The following SSH2 variants were observed in gnomAD, a reference collection of about 807,000 sequenced individuals.
The protein encoded by SSH2 is protein phosphatase Slingshot homolog 2.
A neutral mutation model predicts 135.2 loss-of-function variants in SSH2; 37 were observed. That is an observed-to-expected ratio of 0.27 (90% CI 0.21 to 0.36). SSH2 has a LOEUF of 0.36. Ranked by LOEUF, SSH2 falls within the 10% of genes least tolerant of loss-of-function variation. SSH2 has a pLI of 1.00. For missense variants in SSH2, 1,408 were observed against 1,765.3 expected, an observed-to-expected ratio of 0.80 and a Z score of 3.63; for synonymous variants, 628 against 646.2, an observed-to-expected ratio of 0.97 and a Z score of 0.43.
In SSH2 at chr17:29,654,261, G is replaced by A. The variant is rs2036694455; in HGVS notation, c.1079+1300C>T. Among the ~76,000 whole-genome samples, 3 of 152,344 alleles carry A rather than the reference G, an allele frequency of 2.0e-5. No homozygotes were observed. The South Asian group carries it at 6.2e-4, about 32-fold the overall frequency. On this transcript the variant is annotated intron_variant, in intron 12 of 15. Transcript: ENST00000540801. ...AAGCTATAAGCAAGACTAAGATACA[G>A]TCTCTGCCTTGAAGAACTCTAGACT...
chr17:29,927,391 T>G (rs2067086113), intron 1 of SSH2, among the ~76,000 whole-genome samples: 1 of 152,174 alleles, frequency 6.6e-6, no homozygotes, highest in South Asian at 2.1e-4. Context: ...CAATGGTCAC[T>G]CACACCTAGC....
At chr17:29,785,805 C>CCTTT (rs1555633518) in intron 3 of SSH2, among the ~76,000 whole-genome samples, 3 of 125,124 alleles carry the variant, frequency 2.4e-5, no homozygotes, top group African/African-American at 6.1e-5. Context: ...AGTCCGTTTA[C>CCTTT]TTTTTTTTTT....
rs60502729 is a variant in SSH2, at chr17:29,696,672, CGTGT to C, written c.293-1153_293-1150del. ...ACCTATGTATGTATATATATACGTA[CGTGT>C]GTGTGTGTGTGTGTGTGTGTATTTT... On this transcript the variant is annotated intron_variant, in intron 4 of 15. Transcript: ENST00000540801. Among the ~76,000 whole-genome samples the C allele has an allele frequency of 1.9e-4, 26 of 137,524 alleles. 1 individual carries two copies. Among genetic ancestry groups the C allele is most frequent in the African/African-American group, 2.7e-4 (10 of 36,960 alleles). 90.2% of individuals were successfully genotyped at this position (137,524 alleles called of 152,430 possible).
At chr17:29,771,942 A>C (rs11654222) in intron 3 of SSH2, among the ~76,000 whole-genome samples, 10,090 of 152,248 alleles carry the variant, frequency 0.066, 457 homozygotes, top group Non-Finnish European at 0.097. Flanking sequence ...TTCAACAACC[A>C]TGTCAAATAT....
At chr17:29,769,678 T>C (rs1043865799) in intron 3 of SSH2, among the ~76,000 whole-genome samples, 6 of 152,164 alleles carry the variant, frequency 3.9e-5, no homozygotes, top group Non-Finnish European at 7.3e-5. Context: ...AGTATTATCA[T>C]TCCTTGTTAT....
chr17:29,671,899 G>C (rs763344238), intron 9 of SSH2, 36 bp downstream of exon 9: 3 of 1,569,554 alleles, frequency 1.9e-6, no homozygotes, highest in Non-Finnish European at 2.6e-6. Flanking sequence ...GGACATAATG[G>C]AGAGAACTTC....
intron 4 of SSH2, 71 bp downstream of exon 4, chr17:29,702,888 G>T: frequency 8.9e-7 from 1 of 1,127,908 alleles, no homozygotes; most frequent in Non-Finnish European, 1.4e-6. Flanking sequence ...TGGGGATGAG[G>T]TAGTCAACCT....
intron 1 of SSH2, among the ~76,000 whole-genome samples, chr17:29,872,769 G>A (rs1000161239): frequency 2.6e-5 from 4 of 152,134 alleles, no homozygotes; most frequent in African/African-American, 9.7e-5. Flanking sequence ...GGCGAGGCAG[G>A]TGGATAGCTT....
At chr17:29,678,614 G>A (rs2037825917) in intron 6 of SSH2, among the ~76,000 whole-genome samples, 2 of 151,954 alleles carry the variant, frequency 1.3e-5, no homozygotes, top group African/African-American at 2.4e-5. Flanking sequence ...ACACTGCTTT[G>A]TGACTGTGCA....
At position 29,809,223 on chromosome 17, in the gene SSH2, C is replaced by T. The variant is rs185220030; in HGVS notation, c.145-15286G>A. Among the ~76,000 whole-genome samples, 955 of 152,342 alleles carry T rather than the reference C, an allele frequency of 6.3e-3. 3 individuals are homozygous for T. Among genetic ancestry groups the T allele is most frequent in the Non-Finnish European group, 0.011 (733 of 68,028 alleles). On this transcript the variant is annotated intron_variant, in intron 2 of 15. Transcript: ENST00000540801. Reference sequence around the variant, plus strand: ...CAGCTGAGATTGCACCACTGCACTCCAGCCTGGGCAACAGAGTGAGACTCT... The same window carrying T: ...CAGCTGAGATTGCACCACTGCACTCTAGCCTGGGCAACAGAGTGAGACTCT...
At chr17:29,640,210 C>G (rs191286868) in intron 14 of SSH2, among the ~76,000 whole-genome samples, 2 of 152,130 alleles carry the variant, frequency 1.3e-5, no homozygotes, top group African/African-American at 4.8e-5. Context: ...TCCTGAGTAG[C>G]TGGGACTACA....
intron 14 of SSH2, chr17:29,645,307 A>G (rs1003968882): frequency 2.0e-5 from 3 of 152,146 alleles, no homozygotes; most frequent in Admixed American, 1.3e-4. Flanking sequence ...TACTGACTCA[A>G]ATTCTGTGCT....
At chr17:29,809,141 C>A (rs933189135) in intron 2 of SSH2, among the ~76,000 whole-genome samples, 1 of 152,144 alleles carries the variant, frequency 6.6e-6, no homozygotes, top group Non-Finnish European at 1.5e-5. Flanking sequence ...GTAGTCCCAG[C>A]TACTCAGGAA....
chr17:29,793,850 T>A lies in SSH2; in HGVS notation c.188+44A>T, dbSNP rs768871325. On this transcript the variant is annotated intron_variant, in intron 3 of 15. Transcript: ENST00000540801. ...GAAAAAACAATAACTACTACAAAAA[T>A]ATCCTACAACAAAAATGCCGTAGGA... The A allele has an allele frequency of 1.5e-5, 23 of 1,544,576 alleles. No homozygotes were observed. In the African/African-American group the frequency reaches 2.7e-4, roughly 18 times the overall value.
intron 2 of SSH2, among the ~76,000 whole-genome samples, chr17:29,840,039 TCACC>T (rs1432515639): frequency 6.6e-6 from 1 of 152,178 alleles, no homozygotes; most frequent in Non-Finnish European, 1.5e-5. Flanking sequence ...GTCCTTCCCC[TCACC>T]CCACCCTTTC....
At chr17:29,646,820 G>T (rs1248206916) in intron 14 of SSH2, among the ~76,000 whole-genome samples, 2 of 151,882 alleles carry the variant, frequency 1.3e-5, no homozygotes, top group African/African-American at 4.8e-5. Flanking sequence ...AAATAAGAAA[G>T]AATTGTTTCT....
chr17:29,838,867 C>T (rs542160085), intron 2 of SSH2: 3 of 184,672 alleles, frequency 1.6e-5, no homozygotes, highest in Middle Eastern at 2.3e-3. Context: ...CGGGACCTGC[C>T]GAATGGCGGG....
chr17:29,785,332 T>A (rs547944209), intron 3 of SSH2, among the ~76,000 whole-genome samples: 1 of 152,046 alleles, frequency 6.6e-6, no homozygotes, highest in South Asian at 2.1e-4. Context: ...TTGTTTCCTA[T>A]CATAACTATT....
intron 6 of SSH2, among the ~76,000 whole-genome samples, chr17:29,682,892 C>T (rs984933658): frequency 1.3e-5 from 2 of 152,106 alleles, no homozygotes; most frequent in Non-Finnish European, 2.9e-5. Context: ...GGTTTACAAG[C>T]CTGTGTAAAT....
Sources: gnomAD v4.1 joint callset for allele counts (sites outside exome capture counted in the v4.1 genomes callset) on GRCh38, gnomAD v4.1.1 for gene constraint, MANE v1.5 for transcripts, NCBI Gene and HGNC (gene_info 2026-07-23, HGNC 2026-07-21) for gene names.